RPRD2: variants seen among roughly 807,000 people sequenced by gnomAD.
RPRD2 encodes the protein regulation of nuclear pre-mRNA domain containing 2.
A neutral mutation model predicts 104.4 loss-of-function variants in RPRD2; 12 were observed. The observed-to-expected ratio is 0.11, with a 90% CI of 0.07 to 0.19. The LOEUF is 0.19. Among genes scored for constraint, RPRD2 ranks in the 10% least tolerant of loss-of-function variants. RPRD2 has a pLI of 1.00. For synonymous variants in RPRD2, 714 were observed against 684.9 expected (o/e 1.04, Z -0.66); for missense variants, 1,543 against 1,790.1 (o/e 0.86, Z 2.49).
At chr1:150,383,355 G>C (rs954968968) in intron 1 of RPRD2, among the ~76,000 whole-genome samples, 6 of 146,492 alleles carry the variant, frequency 4.1e-5, no homozygotes, top group Non-Finnish European at 7.4e-5. Flanking sequence ...TGTTGCCTAG[G>C]CTGGAGTGCA....
At chr1:150,438,416 G>A (rs1313222031) in intron 2 of RPRD2, among the ~76,000 whole-genome samples, 1 of 151,682 alleles carries the variant, frequency 6.6e-6, no homozygotes, top group South Asian at 2.1e-4. Context: ...ACTTGAGGTC[G>A]GGAGTTCAAG....
intron 6 of RPRD2, among the ~76,000 whole-genome samples, chr1:150,445,445 T>C (rs985102247): frequency 8.5e-5 from 13 of 152,324 alleles, no homozygotes; most frequent in African/African-American, 3.1e-4. Flanking sequence ...AGAAGAACTT[T>C]TATTGTGATG....
At chr1:150,399,971 G>A (rs587681825) in intron 1 of RPRD2, among the ~76,000 whole-genome samples, 1 of 152,188 alleles carries the variant, frequency 6.6e-6, no homozygotes, top group Non-Finnish European at 1.5e-5. Flanking sequence ...ATTGAATGTG[G>A]ACATTAATTT....
chr1:150,409,612 G>A (rs1260411), intron 1 of RPRD2, among the ~76,000 whole-genome samples: 46,602 of 149,834 alleles, frequency 0.31, 8,295 homozygotes, highest in Non-Finnish European at 0.4. Flanking sequence ...AGCAAAGAAG[G>A]GTGGTAAGAG....
chr1:150,404,650 T>C (rs1410897730), intron 1 of RPRD2, among the ~76,000 whole-genome samples: 1 of 151,872 alleles, frequency 6.6e-6, no homozygotes, highest in Non-Finnish European at 1.5e-5. Context: ...GGTCTCCCTA[T>C]GTTGCCCAGG....
rs1664449026 is a variant in RPRD2, at chr1:150,417,716, C to T, written c.326C>T (p.Ala109Val). The change falls in exon 2 of 11, where the codon GCT becomes GTT. Residue 109 changes from alanine (A) to valine (V), a missense_variant. Physicochemically the swap from Ala to Val is moderately conservative, Grantham distance 64. Coordinates refer to ENST00000369068, the MANE Select transcript of RPRD2 (RefSeq NM_015203.5). ...GCTGATGTACTTCCTGAAGCAGCTG[C>T]TCTAGTGAAGTAAGTAAATCTTTAT... Reference protein sequence around the residue: ...SFADVLPEAAALVKDPSVSKS... With the variant: ...SFADVLPEAAVLVKDPSVSKS... 3 of 1,599,538 alleles carry T rather than the reference C, an allele frequency of 1.9e-6. No homozygotes were observed. The highest frequency in any genetic ancestry group is 2.6e-6 in the Non-Finnish European group (3 of 1,170,804).
rs142819511 is a variant in RPRD2 at position 150,467,796 on chromosome 1, CTGTT to C, written c.1613-2764_1613-2761del. 8.0e-3 allele frequency among the ~76,000 whole-genome samples: 1,218 copies of C among 152,280 alleles called. 20 individuals are homozygous for C. Among genetic ancestry groups the C allele is most frequent in the African/African-American group, 0.028 (1,164 of 41,548 alleles). On this transcript the variant is annotated intron_variant, in intron 10 of 10. Transcript: ENST00000369068. ...TTAAATAGATGTATTTCCTCGAAGA[CTGTT>C]AATGAAATCCCAGAACTTTGTTCTG... is the stretch of plus-strand genomic sequence containing the variant.
intron 1 of RPRD2, among the ~76,000 whole-genome samples, chr1:150,404,443 A>G (rs886789893): frequency 4.6e-5 from 7 of 151,886 alleles, no homozygotes; most frequent in African/African-American, 1.5e-4. Context: ...ACAGGGTTTC[A>G]CCAAGTTGCC....
Position 150,411,675 on chromosome 1 carries a change from C to T in RPRD2, c.206-5921C>T, listed in dbSNP as rs782476451. On this transcript the variant is annotated intron_variant, in intron 1 of 10. Coordinates refer to ENST00000369068, the MANE Select transcript of RPRD2 (RefSeq NM_015203.5). ...GCGTGGTGATGCGCACCCATAGTCC[C>T]AGTTACTCAGGAAGCTGAAGCAAGA... Among the ~76,000 whole-genome samples, 113 of 129,114 alleles carry T rather than the reference C, an allele frequency of 8.8e-4. 7 individuals are homozygous for T. Among genetic ancestry groups the T allele is most frequent in the Non-Finnish European group, 9.7e-5 (6 of 61,692 alleles). 84.7% of individuals were successfully genotyped at this position (129,114 alleles called of 152,430 possible). A position where few individuals can be genotyped will look rare whatever the true frequency, so the allele number is the denominator to read the frequency against.
In RPRD2 at chr1:150,387,566, C is replaced by CTTTTTTTTTTTTTTTTTTTTTTTTT. The variant is rs1661661325; in HGVS notation, c.205+22647_205+22648insTTTTTTTTTTTTTTTTTTTTTTTTT. On this transcript the variant is annotated intron_variant, in intron 1 of 10. Transcript: ENST00000369068. ...TAAATCTTACAGAAGTTGCAACAGA[C>CTTTTTTTTTTTTTTTTTTTTTTTTT]CTTTTTTTTTTTTTTTTTTTTTTTT... 4.3e-5 allele frequency among the ~76,000 whole-genome samples: 3 copies of CTTTTTTTTTTTTTTTTTTTTTTTTT among 70,116 alleles called. 1 individual carries two copies. The highest frequency in any genetic ancestry group is 5.9e-5 in the Non-Finnish European group (2 of 34,170). The allele number at this position is 70,116 out of a possible 152,430, so 46.0% of individuals were successfully genotyped here.
chr1:150,381,046 A>G (rs587610809), intron 1 of RPRD2, among the ~76,000 whole-genome samples: 1 of 152,284 alleles, frequency 6.6e-6, no homozygotes, highest in African/African-American at 2.4e-5. Flanking sequence ...ACCCCCAAAA[A>G]GAATGTAAAC....
intron 1 of RPRD2, among the ~76,000 whole-genome samples, chr1:150,398,148 G>C (rs1437414190): frequency 3.1e-5 from 4 of 129,762 alleles, no homozygotes; most frequent in African/African-American, 1.2e-4. Context: ...GGAATTACAG[G>C]CACCTGCCAC....
rs587601721 is a variant in RPRD2, at chr1:150,461,955, C to T, written c.1411+1638C>T. ...GGATCGCGCCACTGCACAGCCTGGG[C>T]GACAGAGCAATACTCCGTCTCAAAA... is the stretch of plus-strand genomic sequence containing the variant. On this transcript the variant is annotated intron_variant, in intron 9 of 10. Transcript: ENST00000369068. Among the ~76,000 whole-genome samples the T allele has an allele frequency of 6.8e-5, 10 of 147,142 alleles. No individual in the cohort carries two copies. In the South Asian group the frequency reaches 1.5e-3, roughly 22 times the overall value.
At position 150,474,784 on chromosome 1, in the gene RPRD2, G is replaced by C. The variant is rs587624533; in HGVS notation, c.*1450G>C. On this transcript the variant is annotated 3_prime_UTR_variant, in exon 11 of 11. Transcript: ENST00000369068. Reference sequence around the variant, plus strand: ...AAAACAGTATGTGTTTAGTTTTCCAGAGAATTCTGGCAAGTTTCATATTTT... The same window carrying C: ...AAAACAGTATGTGTTTAGTTTTCCACAGAATTCTGGCAAGTTTCATATTTT... The C allele has an allele frequency of 5.3e-5, 8 of 152,224 alleles. No individual in the cohort carries two copies. The highest frequency in any genetic ancestry group is 1.9e-4 in the African/African-American group (8 of 41,534). 9.4% of individuals were successfully genotyped at this position (152,224 alleles called of 1,614,324 possible).
Position 150,364,638 on chromosome 1 carries a change from T to A in RPRD2, c.-77T>A. Reference sequence around the variant, plus strand: ...ACCTACGGCTTTCACGCACTCGCAGTGATTGTTTTGCCCGCTCCCGCCGCC... The same window carrying A: ...ACCTACGGCTTTCACGCACTCGCAGAGATTGTTTTGCCCGCTCCCGCCGCC... On this transcript the variant is annotated 5_prime_UTR_variant, in exon 1 of 11. Coordinates refer to ENST00000369068, the MANE Select transcript of RPRD2 (RefSeq NM_015203.5). The A allele has an allele frequency of 1.4e-6, 1 of 713,368 alleles. No homozygotes were observed. The highest frequency in any genetic ancestry group is 2.3e-6 in the Non-Finnish European group (1 of 427,140). 44.2% of individuals were successfully genotyped at this position (713,368 alleles called of 1,614,324 possible).
At chr1:150,383,283 C>T (rs1487730439) in intron 1 of RPRD2, among the ~76,000 whole-genome samples, 1 of 150,162 alleles carries the variant, frequency 6.7e-6, no homozygotes, top group African/African-American at 2.5e-5. Flanking sequence ...GTGTGAGCCA[C>T]GAGACCTGGC....
intron 8 of RPRD2, 146 bp downstream of exon 8, chr1:150,457,716 G>T: frequency 1.3e-6 from 1 of 751,718 alleles, no homozygotes; most frequent in African/African-American, 1.7e-5. Flanking sequence ...TAGAGCAGTT[G>T]TTGAGGATTT....
Position 150,464,666 on chromosome 1 carries a change from C to T in RPRD2, c.1551C>T (p.Thr517=). The change falls in exon 10 of 11, where the codon ACC becomes ACT. Residue 517 remains threonine (T), a synonymous_variant. Coordinates refer to ENST00000369068, the MANE Select transcript of RPRD2 (RefSeq NM_015203.5). The part of the protein sequence containing the change: ...LANILSKVEI[T]PESILSALSK... ...ATATCCTCTCCAAGGTGGAGATCAC[C>T]CCAGAGAGCATTCTGTCTGCACTTT... is the stretch of plus-strand genomic sequence containing the variant. 6.2e-7 allele frequency: 1 copy of T among 1,613,014 alleles called. No homozygotes were observed. Among genetic ancestry groups the T allele is most frequent in the Non-Finnish European group, 8.5e-7 (1 of 1,179,520 alleles).
intron 9 of RPRD2, 25 bp from the exon 10 acceptor site, chr1:150,464,502 C>A: frequency 6.4e-7 from 1 of 1,560,744 alleles, no homozygotes. Context: ...ATTGCATTTT[C>A]TTGAGTTCAT....
Sources: allele counts gnomAD v4.1 joint callset (sites outside exome capture counted in the v4.1 genomes callset), GRCh38; gene constraint gnomAD v4.1.1; transcripts MANE v1.5; gene names NCBI Gene and HGNC (gene_info 2026-07-23, HGNC 2026-07-21).